Variants in ERBB4 observed in about 807,000 individuals in gnomAD.
ERBB4 encodes the protein erb-b2 receptor tyrosine kinase 4, also known as receptor tyrosine-protein kinase erbB-4.
A neutral mutation model predicts 158.0 loss-of-function variants in ERBB4; 42 were observed. The ratio of observed to expected loss-of-function variants is 0.27; its 90% CI spans 0.21 to 0.34. The LOEUF is 0.34. Among genes scored for constraint, ERBB4 ranks in the 10% least tolerant of loss-of-function variants. ERBB4 has a pLI of 1.00. For missense variants in ERBB4, 1,333 were observed against 1,624.1 expected (o/e 0.82, Z 3.08); for synonymous variants, 583 against 558.7 (o/e 1.04, Z -0.61).
intron 2 of ERBB4, among the ~76,000 whole-genome samples, chr2:212,003,140 G>GAAA (rs2076150794): frequency 7.9e-5 from 1 of 12,662 alleles, no homozygotes; most frequent in African/African-American, 1.8e-4. Flanking sequence ...AAGGAAGGAA[G>GAAA]GAAGGAAGGA....
chr2:212,407,290 AAAAAT>A (rs1266294742), intron 1 of ERBB4, among the ~76,000 whole-genome samples: 1 of 152,054 alleles, frequency 6.6e-6, no homozygotes, highest in Non-Finnish European at 1.5e-5. Context: ...ACCTGAAAGT[AAAAAT>A]AAAATAGTGG....
chr2:211,830,413 C>T (rs559797265), intron 3 of ERBB4, among the ~76,000 whole-genome samples: 24 of 152,202 alleles, frequency 1.6e-4, no homozygotes, highest in Non-Finnish European at 1.9e-4. Flanking sequence ...CCTATGACAC[C>T]CTTTCTTTAT....
chr2:211,601,531 T>C (rs2068800471), intron 19 of ERBB4, among the ~76,000 whole-genome samples: 1 of 151,896 alleles, frequency 6.6e-6, no homozygotes, highest in Non-Finnish European at 1.5e-5. Context: ...TTGGAAATTT[T>C]GGAAATACCA....
chr2:212,457,968 A>T (rs1688383513), intron 1 of ERBB4, among the ~76,000 whole-genome samples: 1 of 151,960 alleles, frequency 6.6e-6, no homozygotes, highest in African/African-American at 2.4e-5. Context: ...TTCAGATTTA[A>T]TATTATTTAT....
At chr2:211,622,990 AATATATATATATATATATATAT>A (rs1165877419) in intron 18 of ERBB4, among the ~76,000 whole-genome samples, 239 of 21,866 alleles carry the variant, frequency 0.011, 6 homozygotes, top group Middle Eastern at 0.17. Context: ...AAAAAAAAAA[AATATATATATATATATATATAT>A]ATATATATAT....
intron 16 of ERBB4, among the ~76,000 whole-genome samples, chr2:211,654,526 G>A (rs950718182): frequency 5.3e-5 from 8 of 152,128 alleles, no homozygotes; most frequent in African/African-American, 1.9e-4. Context: ...CTAACCTACT[G>A]GATTAACGCC....
chr2:211,493,268 C>T (rs1015846384), intron 20 of ERBB4, among the ~76,000 whole-genome samples: 14 of 151,972 alleles, frequency 9.2e-5, no homozygotes, highest in Non-Finnish European at 1.8e-4. Context: ...AAAACAAATT[C>T]CTAATTTATT....
chr2:211,955,634 A>T (rs1435932349), intron 2 of ERBB4, among the ~76,000 whole-genome samples: 1 of 152,178 alleles, frequency 6.6e-6, no homozygotes, highest in Non-Finnish European at 1.5e-5. Flanking sequence ...TATTCTCATA[A>T]CAAGTAGCTG....
intron 2 of ERBB4, among the ~76,000 whole-genome samples, chr2:211,981,150 A>G (rs578242178): frequency 2.0e-5 from 3 of 152,168 alleles, no homozygotes; most frequent in Non-Finnish European, 4.4e-5. Flanking sequence ...TGCTGAAAGC[A>G]AACCAATAAG....
rs563017020 is a variant in ERBB4, at chr2:212,082,469, G to A, written c.234+42283C>T. ...TGACTATAAAATAATGTTTTATAAGGGCATTTGCATACTTTGGCACAGTAA... is the reference window on the plus strand; with the variant it reads ...TGACTATAAAATAATGTTTTATAAGAGCATTTGCATACTTTGGCACAGTAA... On this transcript the variant is annotated intron_variant, in intron 2 of 27. Coordinates refer to ENST00000342788, the MANE Select transcript of ERBB4 (RefSeq NM_005235.3). 5.3e-5 allele frequency among the ~76,000 whole-genome samples: 8 copies of A among 152,040 alleles called. No individual in the cohort carries two copies. In the South Asian group the frequency reaches 1.7e-3, roughly 32 times the overall value.
At chr2:211,580,859 G>A (rs60520131) in intron 19 of ERBB4, among the ~76,000 whole-genome samples, 49,668 of 65,812 alleles carry the variant, frequency 0.75, 20,688 homozygotes, top group East Asian at 0.9. Context: ...TATATAGTAT[G>A]CATATACATA....
At chr2:211,432,509 C>T (rs962317487) in intron 20 of ERBB4, among the ~76,000 whole-genome samples, 2 of 151,908 alleles carry the variant, frequency 1.3e-5, no homozygotes, top group Non-Finnish European at 2.9e-5. Flanking sequence ...TTTGCCCTCT[C>T]TCCTAAACAG....
chr2:211,462,735 T>C (rs62178790), intron 20 of ERBB4, among the ~76,000 whole-genome samples: 12,262 of 152,228 alleles, frequency 0.081, 537 homozygotes, highest in South Asian at 0.14. Flanking sequence ...AAAGTCAGTA[T>C]TTTGCAACAA....
Position 211,717,715 on chromosome 2 carries a change from C to T in ERBB4, c.884-4067G>A, listed in dbSNP as rs369579533. ...GTGGTGGATGTGCCTGTAATCCCAGCGACTCAGGAGCTGAGGCAGGGGAAT... is the reference window on the plus strand; with the variant it reads ...GTGGTGGATGTGCCTGTAATCCCAGTGACTCAGGAGCTGAGGCAGGGGAAT... On this transcript the variant is annotated intron_variant, in intron 7 of 27. Coordinates refer to ENST00000342788, the MANE Select transcript of ERBB4 (RefSeq NM_005235.3). Among the ~76,000 whole-genome samples, 4 of 152,018 alleles carry T rather than the reference C, an allele frequency of 2.6e-5. No homozygotes were observed. The East Asian group carries it at 5.9e-4, about 22-fold the overall frequency.
intron 26 of ERBB4, 132 bp from the exon 27 acceptor site, chr2:211,387,282 C>A: frequency 1.3e-6 from 1 of 785,670 alleles, no homozygotes; most frequent in East Asian, 2.6e-5. Context: ...TTTTTTTTCC[C>A]CTAGTGGCTA....
intron 1 of ERBB4, among the ~76,000 whole-genome samples, chr2:212,154,664 C>A (rs574197249): frequency 9.2e-5 from 14 of 152,062 alleles, no homozygotes; most frequent in African/African-American, 3.1e-4. Flanking sequence ...TCTAATTTGA[C>A]AATAATGAGC....
At chr2:211,892,794 T>G (rs1379690769) in intron 3 of ERBB4, among the ~76,000 whole-genome samples, 2 of 143,298 alleles carry the variant, frequency 1.4e-5, no homozygotes, top group East Asian at 1.9e-4. Flanking sequence ...AAATCATGAG[T>G]GAACTCCCAT....
chr2:211,659,011 A>G (rs2071322970), intron 15 of ERBB4, among the ~76,000 whole-genome samples: 1 of 152,154 alleles, frequency 6.6e-6, no homozygotes, highest in Non-Finnish European at 1.5e-5. Context: ...AAGATTACAT[A>G]TATTTCCAAA....
chr2:211,516,122 C>T (rs13395969), intron 20 of ERBB4, among the ~76,000 whole-genome samples: 74,444 of 148,958 alleles, frequency 0.5, 20,040 homozygotes, highest in African/African-American at 0.72. Context: ...TTCACTGTGT[C>T]AGCCAGGATG....
Sources: gnomAD v4.1 joint callset for allele counts (sites outside exome capture counted in the v4.1 genomes callset) on GRCh38, gnomAD v4.1.1 for gene constraint, MANE v1.5 for transcripts, NCBI Gene and HGNC (gene_info 2026-07-23, HGNC 2026-07-21) for gene names.